Variants in NT5DC3 observed in about 807,000 individuals in gnomAD.
NT5DC3 encodes 5'-nucleotidase domain containing 3.
In NT5DC3, 42 loss-of-function variants were observed where a neutral mutation model predicts 67.8. That is an observed-to-expected ratio of 0.62 (90% CI 0.48 to 0.80). The LOEUF is 0.80. Ranked by LOEUF, NT5DC3 falls within the 30% of genes least tolerant of loss-of-function variation. The pLI, the probability that NT5DC3 is intolerant of heterozygous loss-of-function variation, is 0.00. For synonymous variants in NT5DC3, 237 were observed against 255.6 expected (o/e 0.93, Z 0.69); for missense variants, 570 against 696.4 (o/e 0.82, Z 2.04).
chr12:103,798,370 G>C (rs1257179927), intron 5 of NT5DC3, among the ~76,000 whole-genome samples: 1 of 152,202 alleles, frequency 6.6e-6, no homozygotes, highest in Non-Finnish European at 1.5e-5. Context: ...GGGTAGGTAT[G>C]TGGGAGGTGA....
chr12:103,832,157 A>T (rs753340970), intron 1 of NT5DC3, among the ~76,000 whole-genome samples: 2 of 151,314 alleles, frequency 1.3e-5, no homozygotes, highest in African/African-American at 4.9e-5. Flanking sequence ...AAAGTCCTCT[A>T]TATTTTTTTT....
chr12:103,815,022 T>C lies in NT5DC3; in HGVS notation c.308A>G (p.Tyr103Cys). The C allele has an allele frequency of 2.5e-6, 4 of 1,613,888 alleles. No homozygotes were observed. In the East Asian group the frequency reaches 8.9e-5, roughly 36 times the overall value. Residue 103 changes from tyrosine (Y) to cysteine (C), a missense_variant, in exon 2 of 14, where the codon TAT becomes TGT. Coordinates refer to ENST00000392876, the MANE Select transcript of NT5DC3 (RefSeq NM_001031701.3). ...TGAATAAAACACCAAGGTGTAATCA[T>C]AATCGAAGCCATAGATTTCAATGTC... ...LSDIEIYGFD[Y>C]DYTLVFYSKH... is the part of the protein sequence containing the mutation.
intron 2 of NT5DC3, among the ~76,000 whole-genome samples, chr12:103,811,876 G>A (rs1206646293): frequency 6.6e-6 from 1 of 152,044 alleles, no homozygotes; most frequent in Non-Finnish European, 1.5e-5. Flanking sequence ...GAAAAAGAGA[G>A]CATAGCATTT....
chr12:103,756,891 G>A, the NT5DC3 span, among the ~76,000 whole-genome samples: 1 of 151,634 alleles, frequency 6.6e-6, no homozygotes, highest in Non-Finnish European at 1.5e-5. Flanking sequence ...TGCTGTGTGG[G>A]AGCCTGGCTT....
chr12:103,837,689 A>C (rs935020725), intron 1 of NT5DC3, among the ~76,000 whole-genome samples: 1 of 152,244 alleles, frequency 6.6e-6, no homozygotes, highest in African/African-American at 2.4e-5. Flanking sequence ...CCTTTGCTCC[A>C]GTTCCCAACA....
chr12:103,823,966 G>T (rs1887589904), intron 1 of NT5DC3, among the ~76,000 whole-genome samples: 1 of 151,482 alleles, frequency 6.6e-6, no homozygotes, highest in African/African-American at 2.5e-5. Context: ...GCCCAGTCAG[G>T]CTAGGCACAG....
Position 103,774,836 on chromosome 12 carries a change from C to A in NT5DC3, c.*2993G>T. 1 of 151,608 alleles carries A rather than the reference C, an allele frequency of 6.6e-6. No individual in the cohort carries two copies. The highest frequency in any genetic ancestry group is 1.5e-5 in the Non-Finnish European group (1 of 67,968). The allele number at this position is 151,608 out of a possible 1,614,324, so 9.4% of individuals were successfully genotyped here. A position where few individuals can be genotyped will look rare whatever the true frequency, so the allele number is the denominator to read the frequency against. On this transcript the variant is annotated 3_prime_UTR_variant, in exon 14 of 14. Transcript: ENST00000392876. Reference sequence around the variant, plus strand: ...ACCAGCCTGGCCAACATGGTGAAACCCCATCTCTATTAAAACTACAAAACT... The same window carrying A: ...ACCAGCCTGGCCAACATGGTGAAACACCATCTCTATTAAAACTACAAAACT...
At chr12:103,840,866 G>T in intron 1 of NT5DC3, 83 bp downstream of exon 1, 2 of 737,362 alleles carry the variant, frequency 2.7e-6, no homozygotes, top group Non-Finnish European at 3.8e-6. Flanking sequence ...AGCTGGGCTG[G>T]TCCGGGTCCT....
intron 3 of NT5DC3, 95 bp downstream of exon 3, chr12:103,806,760 A>C (rs1886816917): frequency 1.3e-6 from 1 of 781,890 alleles, no homozygotes; most frequent in East Asian, 2.5e-5. Context: ...ACATAATTTA[A>C]AACTAATTTG....
intron 1 of NT5DC3, chr12:103,821,982 T>G (rs777948416): frequency 2.0e-5 from 3 of 152,214 alleles, no homozygotes; most frequent in South Asian, 2.1e-4. Flanking sequence ...ACCAATCAGC[T>G]ATGTGAAAAG....
chr12:103,804,417 G>A (rs1886712328), intron 4 of NT5DC3, among the ~76,000 whole-genome samples: 1 of 152,186 alleles, frequency 6.6e-6, no homozygotes, highest in South Asian at 2.1e-4. Flanking sequence ...GGAGGCTACT[G>A]GAGGATATAC....
intron 1 of NT5DC3, among the ~76,000 whole-genome samples, chr12:103,836,595 T>C (rs928878745): frequency 6.6e-6 from 1 of 152,238 alleles, no homozygotes; most frequent in Non-Finnish European, 1.5e-5. Context: ...TCCCCGTTTT[T>C]GATGACCTAC....
chr12:103,829,033 T>C (rs1887817320), intron 1 of NT5DC3, among the ~76,000 whole-genome samples: 1 of 152,204 alleles, frequency 6.6e-6, no homozygotes, highest in African/African-American at 2.4e-5. Flanking sequence ...ACCACATACA[T>C]GTGTGTCCCT....
At chr12:103,790,137 C>T (rs1885979811) in intron 9 of NT5DC3, among the ~76,000 whole-genome samples, 1 of 152,032 alleles carries the variant, frequency 6.6e-6, no homozygotes. Context: ...AAGGGTCTCA[C>T]TCTGTTCCCC....
chr12:103,755,540 C>A, the NT5DC3 span: 1 of 1,609,178 alleles, frequency 6.2e-7, no homozygotes, highest in South Asian at 1.1e-5. Flanking sequence ...GCCAGTCACT[C>A]CCCAAGCAGA....
the NT5DC3 span, among the ~76,000 whole-genome samples, chr12:103,752,121 T>C: frequency 6.6e-6 from 1 of 152,100 alleles, no homozygotes; most frequent in African/African-American, 2.4e-5. Flanking sequence ...AGAAATAATC[T>C]GAGAATTGAA....
At chr12:103,813,285 C>T (rs1470561499) in intron 2 of NT5DC3, among the ~76,000 whole-genome samples, 1 of 152,214 alleles carries the variant, frequency 6.6e-6, no homozygotes, top group Non-Finnish European at 1.5e-5. Context: ...AGTTGGCTTT[C>T]ATCTCATGAT....
chr12:103,761,524 G>GGAA, the NT5DC3 span: 3 of 926,946 alleles, frequency 3.2e-6, no homozygotes, highest in South Asian at 1.6e-5. Context: ...AGAGACTGGA[G>GGAA]GAGCCTCCAG....
At chr12:103,827,731 C>T (rs1220569670) in intron 1 of NT5DC3, among the ~76,000 whole-genome samples, 1 of 152,204 alleles carries the variant, frequency 6.6e-6, no homozygotes, top group Non-Finnish European at 1.5e-5. Flanking sequence ...TAAAACCCAG[C>T]TTGATCAATC....
Sources: gnomAD v4.1 joint callset for allele counts (sites outside exome capture counted in the v4.1 genomes callset) on GRCh38, gnomAD v4.1.1 for gene constraint, MANE v1.5 for transcripts, NCBI Gene and HGNC (gene_info 2026-07-23, HGNC 2026-07-21) for gene names.